The following NUP54 variants were observed in gnomAD, a reference collection of about 807,000 sequenced individuals.
NUP54 encodes nucleoporin 54.
A neutral mutation model predicts 66.4 loss-of-function variants in NUP54; 27 were observed. That is an observed-to-expected ratio of 0.41 (90% confidence interval 0.30 to 0.56). The LOEUF (loss-of-function observed/expected upper bound fraction) is 0.56, where lower values mean the gene tolerates loss of function less well. Among genes scored for constraint, NUP54 ranks in the 20% least tolerant of loss-of-function variants. The probability of loss-of-function intolerance (pLI) is 0.34; values close to 1 mark genes in which losing one functional copy is unlikely to be tolerated. For synonymous variants in NUP54, 206 were observed against 210.7 expected (o/e 0.98, Z 0.19); for missense variants, 486 against 596.3 (o/e 0.82, Z 1.93).
Position 76,148,315 on chromosome 4 carries a change from G to A in NUP54, c.60C>T (p.Ala20=), listed in dbSNP as rs1458143420. The A allele has an allele frequency of 6.6e-7, 1 of 1,517,238 alleles. No homozygotes were observed. The allele number at this position is 1,517,238 out of a possible 1,614,324, so 94.0% of individuals were successfully genotyped here. ...GTSGTAAATA[A]PAGGFGGFGT... is the part of the protein sequence containing the mutation. ...TCTAGGGGGATCACTCACCCGCGGG[G>A]GCCGCGGTGGCTGCAGCGGTACCGG... The change falls in exon 1 of 12, where the codon GCC becomes GCT. Residue 20 remains alanine (A), a synonymous_variant. Coordinates refer to ENST00000264883, the MANE Select transcript of NUP54 (RefSeq NM_017426.4).
Position 76,125,829 on chromosome 4 carries a change from GGA to G in NUP54, c.1057-1075_1057-1074del, listed in dbSNP as rs1480193606. 4.7e-3 allele frequency among the ~76,000 whole-genome samples: 214 copies of G among 45,616 alleles called. 5 individuals are homozygous for G. The highest frequency in any genetic ancestry group is 0.025 in the African/African-American group (196 of 7,748). 29.9% of individuals were successfully genotyped at this position (45,616 alleles called of 152,430 possible). On this transcript the variant is annotated intron_variant, in intron 8 of 11. Transcript: ENST00000264883. Reference sequence around the variant, plus strand: ...AGAGAGGGAGAAGAGGGAGAAAGGGGGAGAGAGGGAGAGAGGGAGAGAGGGGG... The same window carrying G: ...AGAGAGGGAGAAGAGGGAGAAAGGGGGAGAGGGAGAGAGGGAGAGAGGGGG...
chr4:76,145,295 GC>G (rs1456843440), intron 1 of NUP54, among the ~76,000 whole-genome samples: 2 of 145,482 alleles, frequency 1.4e-5, no homozygotes, highest in Non-Finnish European at 3.0e-5. Flanking sequence ...TCCAGCCCGG[GC>G]GACAGGGTGA....
chr4:76,117,106 T>C (rs1294828141), intron 11 of NUP54, among the ~76,000 whole-genome samples: 1 of 152,180 alleles, frequency 6.6e-6, no homozygotes, highest in Non-Finnish European at 1.5e-5. Flanking sequence ...CCTCACACCC[T>C]GGCAACCACC....
chr4:76,145,490 A>G (rs754420462), intron 1 of NUP54: 1 of 893,674 alleles, frequency 1.1e-6, no homozygotes, highest in Non-Finnish European at 1.5e-6. Context: ...AAATTAACTT[A>G]TATTTCTACT....
chr4:76,140,836 G>A (rs1731239027), intron 3 of NUP54, among the ~76,000 whole-genome samples: 1 of 152,148 alleles, frequency 6.6e-6, no homozygotes, highest in Non-Finnish European at 1.5e-5. Context: ...GGCTTACAAA[G>A]GCTTGGGGTT....
At chr4:76,117,558 T>G in intron 11 of NUP54, 106 bp downstream of exon 11, 1 of 698,696 alleles carries the variant, frequency 1.4e-6, no homozygotes, top group South Asian at 1.9e-5. Context: ...AGTTCCAATT[T>G]CTCCACATTC....
At chr4:76,120,459 G>T (rs79306346) in intron 9 of NUP54, among the ~76,000 whole-genome samples, 18,551 of 133,016 alleles carry the variant, frequency 0.14, 1,455 homozygotes, top group East Asian at 0.35. Flanking sequence ...AGATGGAGTT[G>T]CACTCTGTCA....
chr4:76,121,650 T>C (rs1429887682), intron 9 of NUP54, among the ~76,000 whole-genome samples: 1 of 152,238 alleles, frequency 6.6e-6, no homozygotes, highest in Admixed American at 6.5e-5. Context: ...TTTAAAAAGC[T>C]GTAATTCATT....
chr4:76,130,898 CAA>C (rs984242331), intron 7 of NUP54, 149 bp from the exon 8 acceptor site: 1 of 621,754 alleles, frequency 1.6e-6, no homozygotes, highest in African/African-American at 1.8e-5. Context: ...CATGTTATAC[CAA>C]AGAGATTTTA....
At chr4:76,144,843 A>G (rs1425893836) in intron 1 of NUP54, among the ~76,000 whole-genome samples, 2 of 152,228 alleles carry the variant, frequency 1.3e-5, no homozygotes, top group Non-Finnish European at 2.9e-5. Context: ...ATTTAGACTG[A>G]TAACAGTAAA....
At chr4:76,133,867 T>A (rs1730920050) in intron 5 of NUP54, among the ~76,000 whole-genome samples, 1 of 152,190 alleles carries the variant, frequency 6.6e-6, no homozygotes, top group Non-Finnish European at 1.5e-5. Flanking sequence ...ACATGAACAG[T>A]AATGAGTTAA....
intron 7 of NUP54, 144 bp downstream of exon 7, chr4:76,131,086 G>A: frequency 1.5e-6 from 1 of 647,402 alleles, no homozygotes; most frequent in Non-Finnish European, 2.7e-6. Context: ...AGCTTTAGCT[G>A]GACAATAATC....
At chr4:76,121,187 AT>A (rs1730219212) in intron 9 of NUP54, among the ~76,000 whole-genome samples, 1 of 152,214 alleles carries the variant, frequency 6.6e-6, no homozygotes, top group South Asian at 2.1e-4. Flanking sequence ...ATACTCCAGC[AT>A]TATTTATTAA....
intron 8 of NUP54, among the ~76,000 whole-genome samples, chr4:76,129,745 G>A (rs994708191): frequency 6.6e-6 from 1 of 151,030 alleles, no homozygotes; most frequent in Non-Finnish European, 1.5e-5. Flanking sequence ...GGCGCCTGTA[G>A]TCCCAGCTAC....
chr4:76,132,449 C>T (rs1730842962), intron 6 of NUP54, 74 bp downstream of exon 6: 1 of 1,141,232 alleles, frequency 8.8e-7, no homozygotes, highest in African/African-American at 1.6e-5. Context: ...AACCAACCAA[C>T]ACCTCTGAAA....
chr4:76,130,545 A>G, intron 8 of NUP54, 111 bp downstream of exon 8: 1 of 713,062 alleles, frequency 1.4e-6, no homozygotes, highest in Non-Finnish European at 2.5e-6. Context: ...AGTGTATGCT[A>G]CATTGTTTCC....
At chr4:76,129,965 A>AGT (rs1730722370) in intron 8 of NUP54, among the ~76,000 whole-genome samples, 1 of 112,708 alleles carries the variant, frequency 8.9e-6, no homozygotes, top group Non-Finnish European at 1.8e-5. Flanking sequence ...TAATTATGAA[A>AGT]GTTTTTTTTT....
intron 4 of NUP54, 133 bp downstream of exon 4, chr4:76,136,053 T>C: frequency 1.5e-6 from 1 of 663,430 alleles, no homozygotes; most frequent in East Asian, 2.8e-5. Flanking sequence ...ATTTCTATAT[T>C]TTCAAAATAA....
rs759422875 is a variant in NUP54 at position 76,136,412 on chromosome 4, G to A, written c.296C>T (p.Thr99Ile). The change falls in exon 4 of 12, where the codon ACA (threonine) becomes ATA (isoleucine). Residue 99 changes from threonine (T) to isoleucine (I), a missense_variant and splice_region_variant. Physicochemically the swap from Thr to Ile is moderately conservative, Grantham distance 89. Around this residue, in one of 4 missense-constraint regions of NUP54, gnomAD observed 145 missense variants for 137.1 expected, o/e 1.06. Coordinates refer to ENST00000264883, the MANE Select transcript of NUP54 (RefSeq NM_017426.4). ...GFNTQQQQQT[T>I]LGGLFSQPTQ... Reference sequence around the variant, plus strand: ...AGGCTGACTGAAGAGACCACCTAATGCTAAAAATGTACCCAAAATTAGTAT... The same window carrying A: ...AGGCTGACTGAAGAGACCACCTAATACTAAAAATGTACCCAAAATTAGTAT... 1.4e-5 allele frequency: 22 copies of A among 1,605,528 alleles called. No individual in the cohort carries two copies. The highest frequency in any genetic ancestry group is 1.9e-5 in the Non-Finnish European group (22 of 1,175,058).
Sources: gnomAD v4.1 joint callset for allele counts (sites outside exome capture counted in the v4.1 genomes callset) on GRCh38, gnomAD v4.1.1 for gene constraint, gnomAD v4.1.1 regional missense constraint, MANE v1.5 for transcripts, NCBI Gene and HGNC (gene_info 2026-07-23, HGNC 2026-07-21) for gene names.